RABGAP1L: variants seen among roughly 807,000 people sequenced by gnomAD.
The protein encoded by RABGAP1L is rab GTPase-activating protein 1-like.
In RABGAP1L, 63 loss-of-function variants were observed where a neutral mutation model predicts 137.7. That is an observed-to-expected ratio of 0.46 (90% confidence interval 0.37 to 0.56). RABGAP1L has a LOEUF of 0.56. Among genes scored for constraint, RABGAP1L ranks in the 20% least tolerant of loss-of-function variants. The probability of loss-of-function intolerance (pLI) is 0.00; values close to 1 mark genes in which losing one functional copy is unlikely to be tolerated. For synonymous variants in RABGAP1L, 431 were observed against 433.7 expected (o/e 0.99, Z 0.08); for missense variants, 1,095 against 1,244.0 (o/e 0.88, Z 1.80).
chr1:174,563,005 A>C (rs1462867280), intron 13 of RABGAP1L, among the ~76,000 whole-genome samples: 1 of 146,014 alleles, frequency 6.8e-6, no homozygotes, highest in Middle Eastern at 3.2e-3. Flanking sequence ...AAGTATAATA[A>C]AAAAAGAAAT....
intron 13 of RABGAP1L, among the ~76,000 whole-genome samples, chr1:174,459,908 T>C (rs1656479482): frequency 6.6e-6 from 1 of 152,082 alleles, no homozygotes; most frequent in South Asian, 2.1e-4. Context: ...TTATGTAAAA[T>C]TGTGTATTAA....
At chr1:174,673,200 G>T (rs1677317787) in intron 14 of RABGAP1L, among the ~76,000 whole-genome samples, 1 of 151,972 alleles carries the variant, frequency 6.6e-6, no homozygotes, top group Admixed American at 6.6e-5. Context: ...ATAAGTAAAA[G>T]GATACTAATT....
At chr1:174,935,352 A>G (rs1664588591) in intron 19 of RABGAP1L, 1 of 152,176 alleles carries the variant, frequency 6.6e-6, no homozygotes, top group African/African-American at 2.4e-5. Flanking sequence ...AGTACTTCTG[A>G]CTTTTTCCAG....
At chr1:174,731,681 G>T (rs1682489006) in intron 17 of RABGAP1L, among the ~76,000 whole-genome samples, 2 of 152,098 alleles carry the variant, frequency 1.3e-5, no homozygotes, top group African/African-American at 4.8e-5. Context: ...CTTTAACTTT[G>T]CAAGATCTCT....
chr1:174,467,643 T>A (rs930502746), intron 13 of RABGAP1L, among the ~76,000 whole-genome samples: 1 of 152,192 alleles, frequency 6.6e-6, no homozygotes, highest in African/African-American at 2.4e-5. Flanking sequence ...TGTTTAATCC[T>A]TTTAGCAACT....
chr1:174,537,663 G>T (rs1664995963), intron 13 of RABGAP1L, among the ~76,000 whole-genome samples: 1 of 152,126 alleles, frequency 6.6e-6, no homozygotes, highest in African/African-American at 2.4e-5. Flanking sequence ...GGTGTAGAGT[G>T]GTGCTACCTG....
chr1:174,670,381 T>G (rs1295333249), intron 14 of RABGAP1L, among the ~76,000 whole-genome samples: 2 of 152,186 alleles, frequency 1.3e-5, no homozygotes, highest in Non-Finnish European at 2.9e-5. Flanking sequence ...GCATTTATAC[T>G]TTGTGTTGTA....
chr1:174,651,955 G>A (rs147786503), intron 14 of RABGAP1L, among the ~76,000 whole-genome samples: 3,383 of 152,174 alleles, frequency 0.022, 56 homozygotes, highest in Middle Eastern at 0.085. Flanking sequence ...ATTTGGCATG[G>A]TTTTGCAGTG....
At chr1:174,673,603 T>G (rs929493290) in intron 14 of RABGAP1L, among the ~76,000 whole-genome samples, 2 of 152,188 alleles carry the variant, frequency 1.3e-5, no homozygotes, top group Non-Finnish European at 2.9e-5. Flanking sequence ...AATGCATTCT[T>G]TTTAAAAAAT....
At chr1:174,744,652 A>G (rs1683729156) in intron 17 of RABGAP1L, among the ~76,000 whole-genome samples, 1 of 152,244 alleles carries the variant, frequency 6.6e-6, no homozygotes. Flanking sequence ...AGGAACCAGT[A>G]GACATATCGA....
intron 9 of RABGAP1L, 25 bp downstream of exon 9, chr1:174,275,960 A>T (rs772502047): frequency 6.4e-7 from 1 of 1,563,728 alleles, no homozygotes; most frequent in Non-Finnish European, 8.8e-7. Context: ...AAGATCCCTT[A>T]TTGTTTGCTT....
chr1:174,312,416 A>G (rs1232920957), intron 11 of RABGAP1L, among the ~76,000 whole-genome samples: 2 of 152,052 alleles, frequency 1.3e-5, no homozygotes, highest in Non-Finnish European at 2.9e-5. Context: ...TGTCTATTCA[A>G]ATCTTTTGCC....
chr1:174,358,149 CTT>C (rs554396896), intron 11 of RABGAP1L, among the ~76,000 whole-genome samples: 9 of 146,342 alleles, frequency 6.1e-5, no homozygotes, highest in African/African-American at 2.3e-4. Flanking sequence ...GGAAAAGAGA[CTT>C]TTTTTTTTTT....
At chr1:174,740,206 A>G (rs964092550) in intron 17 of RABGAP1L, among the ~76,000 whole-genome samples, 11 of 149,948 alleles carry the variant, frequency 7.3e-5, no homozygotes, top group Admixed American at 5.3e-4. Context: ...GGAGTCGTTT[A>G]TATAACTTTA....
chr1:174,385,394 T>G (rs1686675519), intron 12 of RABGAP1L, among the ~76,000 whole-genome samples: 1 of 152,226 alleles, frequency 6.6e-6, no homozygotes, highest in Non-Finnish European at 1.5e-5. Flanking sequence ...GATGTTGAGA[T>G]GCATTTAAGA....
intron 13 of RABGAP1L, among the ~76,000 whole-genome samples, chr1:174,496,286 T>C (rs1312504047): frequency 1.3e-5 from 2 of 152,186 alleles, no homozygotes; most frequent in Non-Finnish European, 2.9e-5. Context: ...GGTCAGTGTC[T>C]TTATTCCCCT....
Position 174,219,290 on chromosome 1 carries a change from C to A in RABGAP1L, c.133C>A (p.Leu45Met). The A allele has an allele frequency of 6.4e-7, 1 of 1,553,352 alleles. No individual in the cohort carries two copies. Among genetic ancestry groups the A allele is most frequent in the Non-Finnish European group, 8.7e-7 (1 of 1,149,010 alleles). The change falls in exon 2 of 26, where the codon CTG becomes ATG. Residue 45 changes from leucine to methionine, a missense_variant. Transcript: ENST00000681986. ...TACAAAACATGAAGAAAAACCTCAACTGAAGGTATTTTTTTCTTTTCTACA... is the reference window on the plus strand; with the variant it reads ...TACAAAACATGAAGAAAAACCTCAAATGAAGGTATTTTTTTCTTTTCTACA... Reference protein sequence around the residue: ...NSTKHEEKPQLKIVSNGDEQL... With the variant: ...NSTKHEEKPQMKIVSNGDEQL...
rs76645422 is a variant in RABGAP1L at position 174,931,404 on chromosome 1, C to G, written c.2341-26053C>G. On this transcript the variant is annotated intron_variant, in intron 19 of 25. Coordinates refer to ENST00000681986, the MANE Select transcript of RABGAP1L (RefSeq NM_001366446.1). ...TAGATAATGCTTTGTTTCACTGATC[C>G]TCTTTCAGGGATTTTCTTTGTGAGG... Among the ~76,000 whole-genome samples the G allele has an allele frequency of 5.8e-3, 879 of 152,234 alleles. 3 individuals are homozygous for G. Among genetic ancestry groups the G allele is most frequent in the Non-Finnish European group, 7.9e-3 (537 of 68,020 alleles).
chr1:174,696,628 CT>C (rs983952838), intron 15 of RABGAP1L, among the ~76,000 whole-genome samples: 4 of 152,214 alleles, frequency 2.6e-5, no homozygotes, highest in Non-Finnish European at 4.4e-5. Flanking sequence ...AAATTCTGCC[CT>C]GTGTTGTGTT....
Sources: allele counts gnomAD v4.1 joint callset (sites outside exome capture counted in the v4.1 genomes callset), GRCh38; gene constraint gnomAD v4.1.1; transcripts MANE v1.5; gene names NCBI Gene and HGNC (gene_info 2026-07-23, HGNC 2026-07-21).